MAGI2: variants seen among roughly 807,000 people sequenced by gnomAD.
MAGI2 encodes membrane-associated guanylate kinase, WW and PDZ domain-containing protein 2.
MAGI2 carries 35 observed loss-of-function variants against 133.3 expected under a neutral mutation model. The observed-to-expected ratio is 0.26, with a 90% confidence interval of 0.20 to 0.35. MAGI2 has a LOEUF of 0.35. Among genes scored for constraint, MAGI2 ranks in the 10% least tolerant of loss-of-function variants. The pLI is 1.00. For synonymous variants in MAGI2, 729 were observed against 710.6 expected, an observed-to-expected ratio of 1.03 and a Z score of -0.41; for missense variants, 1,636 against 1,863.4, an observed-to-expected ratio of 0.88 and a Z score of 2.25.
intron 1 of MAGI2, among the ~76,000 whole-genome samples, chr7:79,426,868 T>C (rs1200696010): frequency 1.3e-5 from 2 of 152,142 alleles, no homozygotes; most frequent in Non-Finnish European, 2.9e-5. Flanking sequence ...CCTTTGCCCC[T>C]ATTCAAATGA....
intron 1 of MAGI2, among the ~76,000 whole-genome samples, chr7:79,314,644 A>G (rs1374312667): frequency 6.6e-6 from 1 of 152,136 alleles, no homozygotes; most frequent in Admixed American, 6.5e-5. Flanking sequence ...AATTTTTCTC[A>G]CACTCCTAGT....
intron 1 of MAGI2, among the ~76,000 whole-genome samples, chr7:79,089,086 G>T (rs1437890814): frequency 6.6e-6 from 1 of 151,954 alleles, no homozygotes; most frequent in African/African-American, 2.4e-5. Context: ...AATCTACAAA[G>T]AACTTAAACA....
At chr7:78,975,872 A>G (rs186743543) in intron 2 of MAGI2, among the ~76,000 whole-genome samples, 73 of 151,792 alleles carry the variant, frequency 4.8e-4, no homozygotes, top group African/African-American at 1.4e-3. Context: ...AAAGATAATA[A>G]ATGAATAATA....
intron 21 of MAGI2, among the ~76,000 whole-genome samples, chr7:78,068,575 G>T (rs1814103372): frequency 6.6e-6 from 1 of 152,122 alleles, no homozygotes; most frequent in African/African-American, 2.4e-5. Context: ...TCTCAAATTT[G>T]CTGTGAACCT....
chr7:79,262,051 G>A (rs1300627243), intron 1 of MAGI2, among the ~76,000 whole-genome samples: 1 of 152,038 alleles, frequency 6.6e-6, no homozygotes, highest in Non-Finnish European at 1.5e-5. Context: ...TCTCCTAGTA[G>A]TATTTATCAA....
chr7:79,072,198 A>G (rs1311774042), intron 1 of MAGI2, among the ~76,000 whole-genome samples: 4 of 151,982 alleles, frequency 2.6e-5, no homozygotes, highest in Non-Finnish European at 5.9e-5. Flanking sequence ...CTTCTGTGCC[A>G]ATCTTGCTGG....
chr7:79,356,196 G>A (rs139087094), intron 1 of MAGI2, among the ~76,000 whole-genome samples: 1 of 152,270 alleles, frequency 6.6e-6, no homozygotes, highest in East Asian at 1.9e-4. Flanking sequence ...ATTGTTTAGA[G>A]TATCTAGGAA....
intron 2 of MAGI2, among the ~76,000 whole-genome samples, chr7:78,735,142 G>A (rs1422287757): frequency 6.6e-6 from 1 of 152,130 alleles, no homozygotes; most frequent in Non-Finnish European, 1.5e-5. Context: ...CTTTCCATGT[G>A]TGTACAGATT....
intron 7 of MAGI2, among the ~76,000 whole-genome samples, chr7:78,360,857 A>T (rs1011372353): frequency 3.3e-5 from 5 of 152,146 alleles, no homozygotes; most frequent in African/African-American, 1.2e-4. Context: ...GTCCTATAAA[A>T]ATGATGGAGT....
intron 2 of MAGI2, among the ~76,000 whole-genome samples, chr7:78,849,193 C>G (rs565726993): frequency 6.6e-6 from 1 of 152,110 alleles, no homozygotes; most frequent in Admixed American, 6.6e-5. Context: ...ATGGACTTGA[C>G]TTTTTAGACG....
intron 2 of MAGI2, among the ~76,000 whole-genome samples, chr7:78,844,995 A>G (rs958249696): frequency 7.9e-5 from 12 of 151,944 alleles, no homozygotes; most frequent in African/African-American, 2.9e-4. Flanking sequence ...ATATTTTAAA[A>G]ACTCTCTGAG....
At chr7:79,397,228 G>A (rs893419254) in intron 1 of MAGI2, among the ~76,000 whole-genome samples, 1 of 150,026 alleles carries the variant, frequency 6.7e-6, no homozygotes, top group Non-Finnish European at 1.5e-5. Context: ...ATATATGCGT[G>A]TGTATATTTA....
chr7:79,043,159 C>T (rs1027889845), intron 1 of MAGI2, among the ~76,000 whole-genome samples: 8 of 152,158 alleles, frequency 5.3e-5, no homozygotes, highest in Admixed American at 2.6e-4. Flanking sequence ...AGCCTAACAT[C>T]GCATCTAGAG....
At chr7:78,846,700 A>C (rs1792643713) in intron 2 of MAGI2, among the ~76,000 whole-genome samples, 1 of 151,996 alleles carries the variant, frequency 6.6e-6, no homozygotes, top group Non-Finnish European at 1.5e-5. Context: ...TAACTCTGCA[A>C]AAACGAATCA....
chr7:78,569,585 A>AG (rs1394394380), intron 3 of MAGI2, among the ~76,000 whole-genome samples: 3 of 152,240 alleles, frequency 2.0e-5, no homozygotes, highest in Non-Finnish European at 4.4e-5. Flanking sequence ...CAAAAAGGAA[A>AG]GAAAAAAAAG....
At chr7:78,163,452 T>C (rs1457413813) in intron 15 of MAGI2, among the ~76,000 whole-genome samples, 1 of 152,016 alleles carries the variant, frequency 6.6e-6, no homozygotes, top group Non-Finnish European at 1.5e-5. Flanking sequence ...ATAATTAGTT[T>C]TTAGGGTAAG....
chr7:78,651,104 T>G (rs1023859142), intron 2 of MAGI2, among the ~76,000 whole-genome samples: 5 of 152,186 alleles, frequency 3.3e-5, no homozygotes, highest in Non-Finnish European at 7.4e-5. Flanking sequence ...GTCATGTTAT[T>G]TCAAATCAAT....
At chr7:78,641,208 G>C (rs994748284) in intron 2 of MAGI2, among the ~76,000 whole-genome samples, 1 of 152,156 alleles carries the variant, frequency 6.6e-6, no homozygotes, top group Non-Finnish European at 1.5e-5. Context: ...TCTTGGGTAT[G>C]TTCTCATAGC....
intron 10 of MAGI2, chr7:78,255,544 A>G: frequency 2.7e-6 from 1 of 364,970 alleles, no homozygotes; most frequent in Non-Finnish European, 4.9e-6. Context: ...TGGAAACCTA[A>G]GCACGATTAA....
Sources: allele counts gnomAD v4.1 joint callset (sites outside exome capture counted in the v4.1 genomes callset), GRCh38; gene constraint gnomAD v4.1.1; transcripts MANE v1.5; gene names NCBI Gene and HGNC (gene_info 2026-07-23, HGNC 2026-07-21).